The following NRXN3 variants were observed in gnomAD, a reference collection of about 807,000 sequenced individuals.
NRXN3 encodes neurexin III.
NRXN3 carries 32 observed loss-of-function variants against 137.6 expected under a neutral mutation model. The ratio of observed to expected loss-of-function variants is 0.23; its 90% CI spans 0.18 to 0.31. The LOEUF is 0.31. Among genes scored for constraint, NRXN3 ranks in the 10% least tolerant of loss-of-function variants. The pLI is 1.00. For synonymous variants in NRXN3, 798 were observed against 784.5 expected (o/e 1.02, Z -0.29); for missense variants, 1,574 against 2,062.5 (o/e 0.76, Z 4.59).
chr14:78,810,177 T>C (rs2098902876), intron 9 of NRXN3, 141 bp from the exon 10 acceptor site: 1 of 618,128 alleles, frequency 1.6e-6, no homozygotes, highest in African/African-American at 1.9e-5. Flanking sequence ...CCCTTAAACT[T>C]GTACATACTT....
At chr14:79,246,765 T>G (rs2153364100) in intron 15 of NRXN3, 2 of 152,302 alleles carry the variant, frequency 1.3e-5, no homozygotes, top group Non-Finnish European at 2.9e-5. Flanking sequence ...GGTTAAAAAC[T>G]TTTTGAGACA....
chr14:79,122,626 A>C (rs2055651858), intron 15 of NRXN3, among the ~76,000 whole-genome samples: 1 of 152,242 alleles, frequency 6.6e-6, no homozygotes, highest in Admixed American at 6.5e-5. Context: ...GGTACAGTAG[A>C]AAGAGGCCTT....
intron 10 of NRXN3, among the ~76,000 whole-genome samples, chr14:78,864,293 C>T (rs902323371): frequency 1.3e-5 from 2 of 152,084 alleles, no homozygotes; most frequent in Non-Finnish European, 2.9e-5. Flanking sequence ...TTAGGTCCAC[C>T]AATCCCTAAC....
At chr14:78,267,118 T>C (rs1048992568) in intron 2 of NRXN3, among the ~76,000 whole-genome samples, 1 of 152,210 alleles carries the variant, frequency 6.6e-6, no homozygotes, top group Admixed American at 6.5e-5. Context: ...TATTCCAGGT[T>C]GTCAACAATC....
At chr14:79,316,773 T>A (rs1270973848) in intron 15 of NRXN3, among the ~76,000 whole-genome samples, 1 of 151,384 alleles carries the variant, frequency 6.6e-6, no homozygotes, top group African/African-American at 2.4e-5. Flanking sequence ...TATTGAATTC[T>A]GGGGGTGTAG....
chr14:78,733,054 T>C (rs952293862), intron 8 of NRXN3, among the ~76,000 whole-genome samples: 20 of 152,178 alleles, frequency 1.3e-4, no homozygotes, highest in African/African-American at 4.8e-4. Context: ...CCATTCTTTG[T>C]AACACCTGGG....
chr14:78,534,630 G>A (rs753348350), intron 4 of NRXN3, among the ~76,000 whole-genome samples: 14 of 152,194 alleles, frequency 9.2e-5, no homozygotes, highest in Admixed American at 1.3e-4. Flanking sequence ...TCCTCAGAAC[G>A]CTTTTAGTCT....
In NRXN3 at chr14:78,702,554, C is replaced by T. The variant is rs1171294802; in HGVS notation, c.1222-6663C>T. 2.0e-5 allele frequency among the ~76,000 whole-genome samples: 3 copies of T among 151,150 alleles called. 1 individual carries two copies. In the East Asian group the frequency reaches 5.8e-4, roughly 29 times the overall value. On this transcript the variant is annotated intron_variant, in intron 6 of 20. Transcript: ENST00000335750. ...CCACCTCCGGAGTTCAAGTGATTCT[C>T]CCACTGCAGGATCCCGAGTAGCTGG...
chr14:79,737,518 C>A (rs2098946203), intron 19 of NRXN3, among the ~76,000 whole-genome samples: 2 of 152,072 alleles, frequency 1.3e-5, no homozygotes, highest in African/African-American at 4.8e-5. Flanking sequence ...GTTATTCCTG[C>A]CTAAGATACT....
At chr14:78,433,923 G>A (rs1444666915) in intron 4 of NRXN3, among the ~76,000 whole-genome samples, 3 of 152,108 alleles carry the variant, frequency 2.0e-5, no homozygotes, top group Admixed American at 6.5e-5. Context: ...CTTACAACGA[G>A]GTGATGTCCT....
chr14:78,978,271 T>C (rs1024124890), intron 14 of NRXN3, among the ~76,000 whole-genome samples: 2 of 152,128 alleles, frequency 1.3e-5, no homozygotes, highest in African/African-American at 2.4e-5. Flanking sequence ...ACAAAAAGCA[T>C]GATCTTGGGA....
rs2099364085 is a variant in NRXN3 at position 78,945,844 on chromosome 14, C to T, written c.2276-11398C>T. On this transcript the variant is annotated intron_variant, in intron 10 of 20. Coordinates refer to ENST00000335750, the MANE Select transcript of NRXN3 (RefSeq NM_001330195.2). Reference sequence around the variant, plus strand: ...TTCTGGACCCTGCCTGAAGAGGCAGCTCTGATTTGTCGCATCCTGGATTTG... The same window carrying T: ...TTCTGGACCCTGCCTGAAGAGGCAGTTCTGATTTGTCGCATCCTGGATTTG... Among the ~76,000 whole-genome samples the T allele has an allele frequency of 3.9e-5, 6 of 152,196 alleles. No homozygotes were observed. The South Asian group carries it at 1.2e-3, about 32-fold the overall frequency.
chr14:78,416,531 G>A (rs1218494560), intron 4 of NRXN3, among the ~76,000 whole-genome samples: 3 of 152,158 alleles, frequency 2.0e-5, no homozygotes, highest in Non-Finnish European at 2.9e-5. Flanking sequence ...AAATGAAGGT[G>A]ATTTATCCTA....
At chr14:79,286,042 G>GA (rs1473845069) in intron 15 of NRXN3, among the ~76,000 whole-genome samples, 3 of 152,022 alleles carry the variant, frequency 2.0e-5, no homozygotes. Context: ...CAGATATGGG[G>GA]AAAAAAACAG....
At chr14:79,828,330 A>G (rs1045200595) in intron 20 of NRXN3, among the ~76,000 whole-genome samples, 7 of 152,048 alleles carry the variant, frequency 4.6e-5, no homozygotes, top group Admixed American at 4.6e-4. Flanking sequence ...CTAGAAAAAA[A>G]GTGACATGGC....
At chr14:78,529,060 C>CGAT (rs1345060031) in intron 4 of NRXN3, among the ~76,000 whole-genome samples, 1 of 152,106 alleles carries the variant, frequency 6.6e-6, no homozygotes, top group Non-Finnish European at 1.5e-5. Flanking sequence ...CTCACAGTAT[C>CGAT]GTTCTCTTCT....
In NRXN3 at chr14:78,456,859, C is replaced by CTCTT. The variant is rs199940490; in HGVS notation, c.757+159018_757+159021dup. On this transcript the variant is annotated intron_variant, in intron 4 of 20. Transcript: ENST00000335750. The stretch of plus-strand genomic sequence containing the variant: ...TTTCTTTCTTTCTTTCTTTCTTTTT[C>CTCTT]TCTTTCTTTCTTTCTTTCTTTCCTT... Among the ~76,000 whole-genome samples the CTCTT allele has an allele frequency of 3.4e-3, 275 of 81,282 alleles. 4 individuals carry two copies. The highest frequency in any genetic ancestry group is 0.018 in the East Asian group (46 of 2,616). 53.3% of individuals were successfully genotyped at this position (81,282 alleles called of 152,430 possible).
chr14:79,583,891 C>A (rs543130494), intron 16 of NRXN3, among the ~76,000 whole-genome samples: 5 of 152,256 alleles, frequency 3.3e-5, no homozygotes, highest in Non-Finnish European at 7.3e-5. Context: ...GGAAACTGAA[C>A]ACGTAGCCTC....
At chr14:79,330,936 C>G (rs907484899) in intron 15 of NRXN3, among the ~76,000 whole-genome samples, 3 of 151,826 alleles carry the variant, frequency 2.0e-5, no homozygotes, top group Non-Finnish European at 4.4e-5. Flanking sequence ...AATGCCAAAG[C>G]CATTTGTTGG....
Sources: gnomAD v4.1 joint callset for allele counts (sites outside exome capture counted in the v4.1 genomes callset) on GRCh38, gnomAD v4.1.1 for gene constraint, MANE v1.5 for transcripts, NCBI Gene and HGNC (gene_info 2026-07-23, HGNC 2026-07-21) for gene names.